The following DOCK3 variants were observed in gnomAD, a reference collection of about 807,000 sequenced individuals.
DOCK3 encodes dedicator of cytokinesis 3.
A neutral mutation model predicts 265.6 loss-of-function variants in DOCK3; 60 were observed. The observed-to-expected ratio is 0.23, with a 90% CI of 0.18 to 0.28. The LOEUF is 0.28. Among genes scored for constraint, DOCK3 ranks in the 10% least tolerant of loss-of-function variants. The probability of loss-of-function intolerance (pLI) is 1.00; values close to 1 mark genes in which losing one functional copy is unlikely to be tolerated. For synonymous variants in DOCK3, 881 were observed against 938.0 expected (o/e 0.94, Z 1.11); for missense variants, 1,981 against 2,594.3 (o/e 0.76, Z 5.14).
chr3:50,883,166 A>G (rs1451429856), intron 3 of DOCK3, among the ~76,000 whole-genome samples: 1 of 152,140 alleles, frequency 6.6e-6, no homozygotes, highest in East Asian at 1.9e-4. Flanking sequence ...TACCTAATAC[A>G]AATGATGAGT....
At chr3:51,352,621 C>T (rs1258902175) in intron 40 of DOCK3, among the ~76,000 whole-genome samples, 3 of 152,244 alleles carry the variant, frequency 2.0e-5, no homozygotes, top group African/African-American at 7.2e-5. Flanking sequence ...AAGATGCAAT[C>T]TCAACGAGAG....
chr3:51,237,688 G>T, intron 21 of DOCK3, 98 bp downstream of exon 21: 1 of 1,072,908 alleles, frequency 9.3e-7, no homozygotes, highest in South Asian at 1.5e-5. Flanking sequence ...AAGTTCAGCT[G>T]ACTTTTTAAA....
intron 7 of DOCK3, 51 bp downstream of exon 7, chr3:51,075,491 CT>C: frequency 3.5e-6 from 5 of 1,424,824 alleles, no homozygotes; most frequent in Non-Finnish European, 4.8e-6. Flanking sequence ...CATTTTTTCT[CT>C]TTTGTTTATT....
intron 2 of DOCK3, among the ~76,000 whole-genome samples, chr3:50,781,682 A>T (rs2041928618): frequency 6.6e-6 from 1 of 151,994 alleles, no homozygotes; most frequent in Non-Finnish European, 1.5e-5. Context: ...TATATTGGTA[A>T]ACTCATGTCA....
chr3:51,219,268 G>A (rs527719766), intron 14 of DOCK3, among the ~76,000 whole-genome samples: 7 of 152,122 alleles, frequency 4.6e-5, no homozygotes, highest in South Asian at 4.1e-4. Flanking sequence ...TCTTTCTGAC[G>A]CAGAGATGAA....
chr3:51,099,773 G>A (rs2083009661), intron 9 of DOCK3, among the ~76,000 whole-genome samples: 1 of 152,176 alleles, frequency 6.6e-6, no homozygotes, highest in African/African-American at 2.4e-5. Flanking sequence ...ATAGAAATAA[G>A]TAAATTGTAT....
At chr3:51,231,653 T>G (rs986984498) in intron 19 of DOCK3, among the ~76,000 whole-genome samples, 5 of 152,218 alleles carry the variant, frequency 3.3e-5, no homozygotes, top group Admixed American at 2.0e-4. Flanking sequence ...ATATTCTGGA[T>G]ATTAGTCATT....
intron 49 of DOCK3, among the ~76,000 whole-genome samples, chr3:51,366,400 A>G (rs1318742147): frequency 6.6e-6 from 1 of 151,518 alleles, no homozygotes; most frequent in Non-Finnish European, 1.5e-5. Context: ...TAGTCTTGCT[A>G]GTGGTCTATC....
rs1265189058 is a variant in DOCK3 at position 51,275,117 on chromosome 3, A to G, written c.2587A>G (p.Ile863Val). 2 of 1,613,896 alleles carry G rather than the reference A, an allele frequency of 1.2e-6. No individual in the cohort carries two copies. Among genetic ancestry groups the G allele is most frequent in the Non-Finnish European group, 1.7e-6 (2 of 1,179,886 alleles). The change falls in exon 25 of 53, where the codon ATT becomes GTT. Residue 863 changes from isoleucine to valine, a missense_variant. Physicochemically the swap from Ile to Val is conservative, Grantham distance 29. Around this residue, in one of 4 missense-constraint regions of DOCK3, gnomAD observed 1,357 missense variants for 1,866.8 expected, o/e 0.73. Coordinates refer to ENST00000266037, the MANE Select transcript of DOCK3 (RefSeq NM_004947.5). ...RILLPVVLHH[I>V]HLHLRQQKEL... is the part of the protein sequence containing the mutation. The stretch of plus-strand genomic sequence containing the variant: ...CCTGCTTCCTGTGGTTCTCCATCAC[A>G]TTCACCTTCACCTGAGGCAGCAGAA...
chr3:51,312,077 A>G lies in DOCK3; in HGVS notation c.3091A>G (p.Lys1031Glu). 6.2e-7 allele frequency: 1 copy of G among 1,600,426 alleles called. No homozygotes were observed. Residue 1031 changes from lysine to glutamate, a missense_variant and splice_region_variant, in exon 29 of 53, where the codon AAG becomes GAG. Lys to Glu is a moderately conservative substitution (Grantham distance 56). Transcript: ENST00000266037. ...KNFTETDFDF[K>E]VWNSYFSLAV... Reference sequence around the variant, plus strand: ...TTTCACAGAGACTGACTTTGACTTTAAGGTAGGCACTCCTGAAATATCCAT... The same window carrying G: ...TTTCACAGAGACTGACTTTGACTTTGAGGTAGGCACTCCTGAAATATCCAT...
intron 5 of DOCK3, among the ~76,000 whole-genome samples, chr3:50,994,792 C>T (rs1458388896): frequency 6.6e-6 from 1 of 152,022 alleles, no homozygotes; most frequent in South Asian, 2.1e-4. Flanking sequence ...ACTTTATAGG[C>T]CTGATGTGAG....
At chr3:51,354,802 T>A in intron 40 of DOCK3, 80 bp from the exon 41 acceptor site, 1 of 1,554,506 alleles carries the variant, frequency 6.4e-7, no homozygotes, top group Non-Finnish European at 8.7e-7. Flanking sequence ...GTTTGTGCTA[T>A]ATGTAGCTAC....
chr3:51,293,367 A>C (rs2081897275), intron 27 of DOCK3, among the ~76,000 whole-genome samples: 1 of 152,174 alleles, frequency 6.6e-6, no homozygotes, highest in Non-Finnish European at 1.5e-5. Flanking sequence ...CCAAGAACAC[A>C]CAATGAAAAA....
At chr3:50,860,331 C>T (rs1289651503) in intron 3 of DOCK3, among the ~76,000 whole-genome samples, 2 of 152,160 alleles carry the variant, frequency 1.3e-5, no homozygotes, top group Non-Finnish European at 2.9e-5. Flanking sequence ...CCCCTGGAGG[C>T]TCTGCTTAGG....
At chr3:50,694,724 T>G (rs2035496439) in intron 1 of DOCK3, among the ~76,000 whole-genome samples, 1 of 152,104 alleles carries the variant, frequency 6.6e-6, no homozygotes, top group South Asian at 2.1e-4. Context: ...GGTATGAGAA[T>G]CACTTGAACC....
chr3:51,381,671 CAGGAG>C lies in DOCK3; in HGVS notation c.*115_*119del. ...CCAGGGAGCCAGAGAGGCTTGCACT[CAGGAG>C]AGAACCACCCCCAAGTCTCCGTTCT... On this transcript the variant is annotated 3_prime_UTR_variant, in exon 53 of 53. Coordinates refer to ENST00000266037, the MANE Select transcript of DOCK3 (RefSeq NM_004947.5). The surrounding 1 kb of genome is among the most constrained non-coding windows in gnomAD (Gnocchi z 5.6). The C allele has an allele frequency of 1.5e-6, 2 of 1,373,926 alleles. No homozygotes were observed. The highest frequency in any genetic ancestry group is 1.9e-6 in the Non-Finnish European group (2 of 1,046,920). The allele number at this position is 1,373,926 out of a possible 1,614,324, so 85.1% of individuals were successfully genotyped here.
chr3:51,203,690 A>G (rs1289189450), intron 12 of DOCK3, among the ~76,000 whole-genome samples: 1 of 152,246 alleles, frequency 6.6e-6, no homozygotes, highest in Admixed American at 6.5e-5. Flanking sequence ...GAACCAAAAA[A>G]GAGCCTGCAT....
rs781989210 is a variant in DOCK3 at position 51,381,045 on chromosome 3, C to T, written c.5584-5C>T. On this transcript the variant is annotated splice_region_variant and splice_polypyrimidine_tract_variant and intron_variant, in intron 52 of 52. Transcript: ENST00000266037. This position sits in a 1 kb window ranked among gnomAD's most constrained non-coding sequence, Gnocchi z 5.6. ...ATTCTAACATGCCCACCCTTTCCTT[C>T]GCAGTCTCCTCTCCACCCTATCCCA... is the stretch of plus-strand genomic sequence containing the variant. The T allele has an allele frequency of 5.7e-6, 9 of 1,578,814 alleles. No individual in the cohort carries two copies. The highest frequency in any genetic ancestry group is 4.0e-5 in the African/African-American group (3 of 74,442).
chr3:51,229,959 C>T (rs955569421), intron 19 of DOCK3, among the ~76,000 whole-genome samples: 12 of 152,150 alleles, frequency 7.9e-5, no homozygotes, highest in African/African-American at 2.9e-4. Context: ...TTTTGTATTC[C>T]GCATATAAGT....
Sources: allele counts gnomAD v4.1 joint callset (sites outside exome capture counted in the v4.1 genomes callset), GRCh38; gene constraint gnomAD v4.1.1; regional missense constraint gnomAD v4.1.1; non-coding constraint Gnocchi (gnomAD v3.1); transcripts MANE v1.5; gene names NCBI Gene and HGNC (gene_info 2026-07-23, HGNC 2026-07-21).